Variants in ATE1 observed in about 807,000 individuals in gnomAD.
ATE1 encodes arginyl-tRNA--protein transferase 1.
Under a neutral mutation model 70.5 loss-of-function variants are expected in ATE1, and 36 were observed. That is an observed-to-expected ratio of 0.51 (90% confidence interval 0.39 to 0.67). ATE1 has a LOEUF of 0.67. Ranked by LOEUF, ATE1 falls within the 30% of genes least tolerant of loss-of-function variation. ATE1 has a pLI of 0.00. For synonymous variants in ATE1, 232 were observed against 219.3 expected (o/e 1.06, Z -0.51); for missense variants, 593 against 629.5 (o/e 0.94, Z 0.62).
At chr10:121,901,421 T>C (rs747119053) in intron 6 of ATE1, among the ~76,000 whole-genome samples, 1 of 152,206 alleles carries the variant, frequency 6.6e-6, no homozygotes, top group Non-Finnish European at 1.5e-5. Context: ...CAGTTACTAA[T>C]CACATATGAG....
At chr10:121,800,833 G>A (rs1005301585) in intron 10 of ATE1, among the ~76,000 whole-genome samples, 3 of 152,102 alleles carry the variant, frequency 2.0e-5, no homozygotes, top group Non-Finnish European at 2.9e-5. Flanking sequence ...ATTAGAGTGG[G>A]CTGTACCCCC....
chr10:121,812,211 C>T lies in ATE1; in HGVS notation c.1258-21922G>A, dbSNP rs1229263161. Among the ~76,000 whole-genome samples, 2 of 152,040 alleles carry T rather than the reference C, an allele frequency of 1.3e-5. 1 individual carries two copies. Among genetic ancestry groups the T allele is most frequent in the Non-Finnish European group, 2.9e-5 (2 of 68,020 alleles). The stretch of plus-strand genomic sequence containing the variant: ...GCTCAGGCGATCCACCTGCTTTGGC[C>T]TCCCAAAGTGCTGACATTACAGGCA... On this transcript the variant is annotated intron_variant, in intron 10 of 11. Coordinates refer to ENST00000224652, the MANE Select transcript of ATE1 (RefSeq NM_001001976.3).
chr10:121,891,186 TAC>T (rs1485177892), intron 7 of ATE1, among the ~76,000 whole-genome samples: 2 of 152,128 alleles, frequency 1.3e-5, no homozygotes, highest in Non-Finnish European at 2.9e-5. Context: ...ATCGGTTTTG[TAC>T]AGAGGACTGA....
At chr10:121,759,539 C>T (rs111462014) in intron 11 of ATE1, among the ~76,000 whole-genome samples, 11,200 of 151,896 alleles carry the variant, frequency 0.074, 452 homozygotes, top group Middle Eastern at 0.13. Context: ...CCGGCTAACA[C>T]GGTGAAACCC....
In ATE1 at chr10:121,902,530, G is replaced by A. The variant is rs754746178; in HGVS notation, c.674C>T (p.Pro225Leu). 1 of 1,614,184 alleles carries A rather than the reference G, an allele frequency of 6.2e-7. No homozygotes were observed. Among genetic ancestry groups the A allele is most frequent in the Non-Finnish European group, 8.5e-7 (1 of 1,180,040 alleles). ...CTGGAAACCCTCAAGTTCTCCAGCT[G>A]GGTTCTGCTGCATTAGTTTTAACCT... ...RKRLKLMQQN[P>L]AGELEGFQAQ... The change falls in exon 6 of 12, where the codon CCA (proline) becomes CTA (leucine). Residue 225 changes from proline (P) to leucine (L), a missense_variant. Physicochemically the swap from Pro to Leu is moderately conservative, Grantham distance 98. Around this residue, in one of 3 missense-constraint regions of ATE1, gnomAD observed 467 missense variants for 469.6 expected, o/e 0.99. Coordinates refer to ENST00000224652, the MANE Select transcript of ATE1 (RefSeq NM_001001976.3).
chr10:121,764,438 AC>A (rs1451696811), intron 11 of ATE1, among the ~76,000 whole-genome samples: 6 of 150,866 alleles, frequency 4.0e-5, no homozygotes, highest in African/African-American at 1.5e-4. Flanking sequence ...GGAATTTGAG[AC>A]CAGCCCAGGC....
chr10:121,859,401 C>T (rs1014562298), intron 8 of ATE1, among the ~76,000 whole-genome samples: 5 of 151,300 alleles, frequency 3.3e-5, no homozygotes, highest in Admixed American at 2.0e-4. Context: ...GGACTACAGG[C>T]GCCCACCACT....
chr10:121,897,859 T>C (rs953371293), intron 7 of ATE1, among the ~76,000 whole-genome samples: 2 of 148,724 alleles, frequency 1.3e-5, no homozygotes, highest in Non-Finnish European at 3.0e-5. Flanking sequence ...GTTGAATGAA[T>C]AGGACTGAGA....
intron 8 of ATE1, among the ~76,000 whole-genome samples, chr10:121,852,800 T>C (rs769689106): frequency 1.0e-3 from 152 of 152,310 alleles, no homozygotes; most frequent in Non-Finnish European, 1.7e-3. Context: ...ATTTAAAATT[T>C]TGAAATAATA....
At chr10:121,850,676 A>C (rs1392635302) in intron 8 of ATE1, among the ~76,000 whole-genome samples, 1 of 152,222 alleles carries the variant, frequency 6.6e-6, no homozygotes, top group African/African-American at 2.4e-5. Flanking sequence ...GCCAACTGTA[A>C]GCGGCAAATA....
At chr10:121,831,457 T>C (rs1475196593) in intron 10 of ATE1, among the ~76,000 whole-genome samples, 2 of 152,176 alleles carry the variant, frequency 1.3e-5, no homozygotes, top group African/African-American at 4.8e-5. Flanking sequence ...AGACGACGAC[T>C]GCTCCCTCCT....
At chr10:121,794,610 C>CAAAAA (rs71022866) in intron 10 of ATE1, among the ~76,000 whole-genome samples, 224 of 77,496 alleles carry the variant, frequency 2.9e-3, no homozygotes, top group African/African-American at 0.011. Flanking sequence ...ACCCTGTCTC[C>CAAAAA]AAAAAAAAAA....
At chr10:121,897,488 T>C (rs1004075097) in intron 7 of ATE1, among the ~76,000 whole-genome samples, 2 of 152,096 alleles carry the variant, frequency 1.3e-5, no homozygotes, top group Non-Finnish European at 2.9e-5. Context: ...GGACATAGCC[T>C]CTCAAAACTG....
chr10:121,845,468 T>C (rs975426680), intron 8 of ATE1, among the ~76,000 whole-genome samples: 7 of 152,162 alleles, frequency 4.6e-5, no homozygotes, highest in African/African-American at 1.7e-4. Context: ...GACAAGTGAA[T>C]CTAACTATAT....
chr10:121,833,131 G>C (rs925625554), intron 10 of ATE1, among the ~76,000 whole-genome samples: 3 of 152,096 alleles, frequency 2.0e-5, no homozygotes, highest in African/African-American at 7.2e-5. Context: ...TCTCCAAACT[G>C]TTACACATTC....
chr10:121,817,269 A>G lies in ATE1; in HGVS notation c.1257+19449T>C, dbSNP rs553662490. 1.4e-3 allele frequency among the ~76,000 whole-genome samples: 209 copies of G among 152,368 alleles called. 1 individual carries two copies. The highest frequency in any genetic ancestry group is 3.4e-3 in the Admixed American group (52 of 15,306). On this transcript the variant is annotated intron_variant, in intron 10 of 11. Coordinates refer to ENST00000224652, the MANE Select transcript of ATE1 (RefSeq NM_001001976.3). Reference sequence around the variant, plus strand: ...AAAAACATGAGTTCAGGCCGGGCACAGCGGCTCACGCCTGTAATCCCAGTA... The same window carrying G: ...AAAAACATGAGTTCAGGCCGGGCACGGCGGCTCACGCCTGTAATCCCAGTA...
rs1400560662 is a variant in ATE1, at chr10:121,911,081, T to C, written c.408A>G (p.Ile136Met). ...CACTGAGTGTTTTAAGATCACACTGTATATCCAGTTTATTTATCAATGCAA... is the reference window on the plus strand; with the variant it reads ...CACTGAGTGTTTTAAGATCACACTGCATATCCAGTTTATTTATCAATGCAA... ...GDFALINKLDIQCDLKTLSDD... is the reference protein window; with the variant it reads ...GDFALINKLDMQCDLKTLSDD... The change falls in exon 5 of 12, where the codon ATA becomes ATG. Residue 136 changes from isoleucine (I) to methionine (M), a missense_variant. Ile to Met is a conservative substitution (Grantham distance 10, BLOSUM62 1). Transcript: ENST00000224652. 6.2e-7 allele frequency: 1 copy of C among 1,612,434 alleles called. No individual in the cohort carries two copies. Among genetic ancestry groups the C allele is most frequent in the Non-Finnish European group, 8.5e-7 (1 of 1,179,744 alleles).
At chr10:121,876,439 C>T (rs1009210156) in intron 7 of ATE1, among the ~76,000 whole-genome samples, 5 of 151,630 alleles carry the variant, frequency 3.3e-5, no homozygotes, top group African/African-American at 9.8e-5. Context: ...TATCTACCTC[C>T]TACGTTCACT....
chr10:121,777,608 T>C (rs186143460), intron 11 of ATE1, among the ~76,000 whole-genome samples: 930 of 152,302 alleles, frequency 6.1e-3, no homozygotes, highest in South Asian at 0.016. Flanking sequence ...ATACAAGTGA[T>C]TTTTTGTATA....
Sources: allele counts gnomAD v4.1 joint callset (sites outside exome capture counted in the v4.1 genomes callset), GRCh38; gene constraint gnomAD v4.1.1; regional missense constraint gnomAD v4.1.1; transcripts MANE v1.5; gene names NCBI Gene and HGNC (gene_info 2026-07-23, HGNC 2026-07-21).